Variants in PCDHGA6 observed in about 807,000 individuals in gnomAD.
PCDHGA6 encodes the protein protocadherin gamma subfamily A, 6.
Under a neutral mutation model 60.6 loss-of-function variants are expected in PCDHGA6, and 41 were observed. That is an observed-to-expected ratio of 0.68 (90% CI 0.53 to 0.88). The LOEUF (loss-of-function observed/expected upper bound fraction) is 0.88. PCDHGA6 is among the 40% of genes least tolerant of loss of function. The pLI is 0.00. For missense variants in PCDHGA6, 1,312 were observed against 1,203.0 expected (o/e 1.09, Z -1.34); for synonymous variants, 594 against 524.4 (o/e 1.13, Z -1.81).
intron 1 of PCDHGA6, chr5:141,478,109 T>G: frequency 1.2e-6 from 2 of 1,614,086 alleles, no homozygotes; most frequent in Non-Finnish European, 8.5e-7. Flanking sequence ...CCTCACTGTG[T>G]CAGTAACCGA....
At chr5:141,458,989 T>C (rs1341538997) in intron 1 of PCDHGA6, among the ~76,000 whole-genome samples, 1 of 152,134 alleles carries the variant, frequency 6.6e-6, no homozygotes, top group Non-Finnish European at 1.5e-5. Flanking sequence ...TGCCTCACCC[T>C]CCCAAAGTGC....
At chr5:141,388,104 T>C in intron 1 of PCDHGA6, 1 of 1,386,112 alleles carries the variant, frequency 7.2e-7, no homozygotes, top group Non-Finnish European at 1.0e-6. Context: ...GGAGAAGCCT[T>C]ACTTCACCGT....
chr5:141,403,634 A>T, intron 1 of PCDHGA6: 1 of 1,613,920 alleles, frequency 6.2e-7, no homozygotes, highest in Non-Finnish European at 8.5e-7. Flanking sequence ...CACAGTGCGC[A>T]TCCATGTGAC....
At chr5:141,438,765 G>A (rs1012158127) in intron 1 of PCDHGA6, among the ~76,000 whole-genome samples, 5 of 149,658 alleles carry the variant, frequency 3.3e-5, no homozygotes, top group Middle Eastern at 3.4e-3. Context: ...GGGTTCAAGC[G>A]ATTCTCCTGC....
At chr5:141,415,824 CT>C (rs1412807947) in intron 1 of PCDHGA6, 8 of 1,306,364 alleles carry the variant, frequency 6.1e-6, no homozygotes, top group Non-Finnish European at 7.8e-6. Flanking sequence ...TATCATAAGG[CT>C]TTGTTATGAT....
rs367919924 is a variant in PCDHGA6, at chr5:141,487,711, T to A, written c.2425-7096T>A. The A allele has an allele frequency of 1.1e-5, 18 of 1,586,144 alleles. No individual in the cohort carries two copies. In the African/African-American group the frequency reaches 2.1e-4, roughly 19 times the overall value. On this transcript the variant is annotated intron_variant, in intron 1 of 3. Transcript: ENST00000517434. The surrounding 1 kb of genome is among the most constrained non-coding windows in gnomAD (Gnocchi z 5.0). ...TAGAGAGTACTGGCCTCTCAGTAAG[T>A]GCCCATAGTGATGTCACCATTTTTG...
At chr5:141,436,208 A>G (rs1287696925) in intron 1 of PCDHGA6, among the ~76,000 whole-genome samples, 1 of 152,152 alleles carries the variant, frequency 6.6e-6, no homozygotes, top group Non-Finnish European at 1.5e-5. Context: ...CATAATAGGA[A>G]AACAAATGAC....
At chr5:141,384,610 G>A in intron 1 of PCDHGA6, 1 of 1,614,238 alleles carries the variant, frequency 6.2e-7, no homozygotes, top group Non-Finnish European at 8.5e-7. Context: ...CCCCACAGAT[G>A]GTTCTACTGG....
rs1561563973 is a variant in PCDHGA6, at chr5:141,374,701, C to CA, written c.618_619insA (p.Val207SerfsTer31). ...GCACACTGGACCGGGAAGGAGAAGC[C>CA]GTTTACCGCCTGGTCCTTACTGCCA... On this transcript the variant is annotated frameshift_variant, in exon 1 of 4. Coordinates refer to ENST00000517434, the MANE Select transcript of PCDHGA6 (RefSeq NM_018919.3). LOFTEE classifies it high-confidence loss of function. 1 of 1,608,962 alleles carries CA rather than the reference C, an allele frequency of 6.2e-7. No individual in the cohort carries two copies. Among genetic ancestry groups the CA allele is most frequent in the South Asian group, 1.1e-5 (1 of 90,496 alleles).
intron 1 of PCDHGA6, chr5:141,423,091 G>GCGTAC (rs2096708211): frequency 2.5e-6 from 4 of 1,613,908 alleles, no homozygotes; most frequent in African/African-American, 2.7e-5. Context: ...CGCGGTGGGG[G>GCGTAC]AGCACACGGG....
chr5:141,432,873 T>G lies in PCDHGA6; in HGVS notation c.2424+56366T>G, dbSNP rs753576338. The stretch of plus-strand genomic sequence containing the variant: ...GTGGCCGCGGTCTCCTGCGTCTTCC[T>G]GGCCTTCGTCATCTTGCTGCTGGCG... On this transcript the variant is annotated intron_variant, in intron 1 of 3. Transcript: ENST00000517434. This position sits in a 1 kb window ranked among gnomAD's most constrained non-coding sequence, Gnocchi z 6.0. 4 of 1,614,204 alleles carry G rather than the reference T, an allele frequency of 2.5e-6. No homozygotes were observed. The highest frequency in any genetic ancestry group is 3.4e-6 in the Non-Finnish European group (4 of 1,180,014).
intron 1 of PCDHGA6, among the ~76,000 whole-genome samples, chr5:141,460,221 C>T (rs931609262): frequency 3.4e-4 from 51 of 151,918 alleles, no homozygotes; most frequent in African/African-American, 1.2e-3. Flanking sequence ...TTAGTTGTGT[C>T]TTTTGAAGAG....
At chr5:141,449,106 T>A (rs2154562506) in intron 1 of PCDHGA6, among the ~76,000 whole-genome samples, 2 of 152,314 alleles carry the variant, frequency 1.3e-5, no homozygotes, top group East Asian at 3.9e-4. Context: ...ATGCAGTATA[T>A]CTTTGGGATG....
rs368371918 is a variant in PCDHGA6 at position 141,432,800 on chromosome 5, C to G, written c.2424+56293C>G. Reference sequence around the variant, plus strand: ...GGCGGACCTCGGCAGCCTCGAGTCTCCAGCTAACTCTGAAACCTCAGACCT... The same window carrying G: ...GGCGGACCTCGGCAGCCTCGAGTCTGCAGCTAACTCTGAAACCTCAGACCT... On this transcript the variant is annotated intron_variant, in intron 1 of 3. Coordinates refer to ENST00000517434, the MANE Select transcript of PCDHGA6 (RefSeq NM_018919.3). This position sits in a 1 kb window ranked among gnomAD's most constrained non-coding sequence, Gnocchi z 6.0. The G allele has an allele frequency of 9.9e-6, 16 of 1,614,038 alleles. No individual in the cohort carries two copies. Among genetic ancestry groups the G allele is most frequent in the Non-Finnish European group, 1.3e-5 (15 of 1,180,016 alleles).
intron 1 of PCDHGA6, chr5:141,403,862 G>A (rs1370445288): frequency 1.2e-6 from 2 of 1,613,508 alleles, no homozygotes; most frequent in East Asian, 2.2e-5. Flanking sequence ...AATATCAACA[G>A]CAAAAAGTCT....
At chr5:141,405,267 A>G (rs1384687423) in intron 1 of PCDHGA6, 1 of 1,614,154 alleles carries the variant, frequency 6.2e-7, no homozygotes, top group South Asian at 1.1e-5. Context: ...ATCTTCCCCC[A>G]GCCCAACTAT....
intron 2 of PCDHGA6, among the ~76,000 whole-genome samples, chr5:141,503,598 C>CAAAAAAA (rs765754054): frequency 1.5e-5 from 1 of 65,730 alleles, no homozygotes; most frequent in Non-Finnish European, 3.4e-5. Flanking sequence ...GACTCCAGCT[C>CAAAAAAA]AAAAAAAAAA....
At chr5:141,479,241 G>T (rs2099490987) in intron 1 of PCDHGA6, 1 of 152,174 alleles carries the variant, frequency 6.6e-6, no homozygotes, top group Admixed American at 6.5e-5. Context: ...CAAACCCAAA[G>T]ATAACCATTT....
At chr5:141,403,590 C>A (rs770895828) in intron 1 of PCDHGA6, 7 of 1,613,866 alleles carry the variant, frequency 4.3e-6, no homozygotes, top group Non-Finnish European at 5.1e-6. Context: ...CTGGTCCTCA[C>A]GGCCTCGGAT....
Sources: gnomAD v4.1 joint callset for allele counts (sites outside exome capture counted in the v4.1 genomes callset) on GRCh38, gnomAD v4.1.1 for gene constraint, Gnocchi (gnomAD v3.1) non-coding constraint, MANE v1.5 for transcripts, NCBI Gene and HGNC (gene_info 2026-07-23, HGNC 2026-07-21) for gene names.